Variants in FBXW7 observed in about 807,000 individuals in gnomAD.
FBXW7 encodes the protein F-box and WD repeat domain containing 7.
A neutral mutation model predicts 86.3 loss-of-function variants in FBXW7; 11 were observed. That is an observed-to-expected ratio of 0.13 (90% CI 0.08 to 0.21). The LOEUF (loss-of-function observed/expected upper bound fraction) is 0.21. FBXW7 is among the 10% of genes least tolerant of loss of function. The pLI is 1.00. For synonymous variants in FBXW7, 313 were observed against 297.9 expected (o/e 1.05, Z -0.52); for missense variants, 488 against 847.4 (o/e 0.58, Z 5.27).
In FBXW7 at chr4:152,535,813, G is replaced by A; in HGVS notation, c.-899C>T. 1 of 392,606 alleles carries A rather than the reference G, an allele frequency of 2.5e-6. No individual in the cohort carries two copies. The highest frequency in any genetic ancestry group is 4.5e-6 in the Non-Finnish European group (1 of 223,058). 24.3% of individuals were successfully genotyped at this position (392,606 alleles called of 1,614,324 possible). ...CCTGCCCCCCAAGCCGCCGGCTCCG[G>A]CTCAGGCTCGGGCTCCGGCTCTGGC... On this transcript the variant is annotated 5_prime_UTR_variant, in exon 1 of 14. Transcript: ENST00000281708.
At chr4:152,323,393 CCAGA>C (rs1430658708) in intron 13 of FBXW7, 22 of 537,252 alleles carry the variant, frequency 4.1e-5, no homozygotes, top group South Asian at 2.4e-4. Flanking sequence ...TGGTTAGCTA[CCAGA>C]CAAACATCTT....
At position 152,350,117 on chromosome 4, in the gene FBXW7, C is replaced by T; in HGVS notation, c.509G>A (p.Arg170Lys). ...GACCTCAGAACCATGGTCCAACTTT[C>T]TTTTCATCTATAAGGTAAAACAAAC... Reference protein sequence around the residue: ...PFYTKTTKMKRKLDHGSEVRS... With the variant: ...PFYTKTTKMKKKLDHGSEVRS... Residue 170 changes from arginine to lysine, a missense_variant, in exon 5 of 14, where the codon AGA becomes AAA. Transcript: ENST00000281708. The T allele has an allele frequency of 6.5e-7, 1 of 1,549,940 alleles. No individual in the cohort carries two copies. Among genetic ancestry groups the T allele is most frequent in the Non-Finnish European group, 8.8e-7 (1 of 1,141,738 alleles).
In FBXW7 at chr4:152,386,492, T is replaced by C. The variant is rs376416838; in HGVS notation, c.501+24811A>G. On this transcript the variant is annotated intron_variant, in intron 4 of 13. Coordinates refer to ENST00000281708, the MANE Select transcript of FBXW7 (RefSeq NM_001349798.2). ...ACTATTAATGGAATCAAAAATCACA[T>C]AGAGCTTTGTAGATTACATTTCCAA... Among the ~76,000 whole-genome samples the C allele has an allele frequency of 3.9e-5, 6 of 152,242 alleles. 1 individual carries two copies. Among genetic ancestry groups the C allele is most frequent in the African/African-American group, 1.4e-4 (6 of 41,572 alleles).
At chr4:152,339,401 A>G (rs1283033922) in intron 6 of FBXW7, among the ~76,000 whole-genome samples, 1 of 152,264 alleles carries the variant, frequency 6.6e-6, no homozygotes, top group African/African-American at 2.4e-5. Flanking sequence ...TTTCTCTCAC[A>G]TAACTTCAAA....
At chr4:152,435,738 T>C (rs1172590008) in intron 2 of FBXW7, among the ~76,000 whole-genome samples, 2 of 152,232 alleles carry the variant, frequency 1.3e-5, no homozygotes, top group Non-Finnish European at 1.5e-5. Flanking sequence ...AAATAGTATA[T>C]TTTTTTAAAA....
At chr4:152,511,628 A>T (rs1312491648) in intron 2 of FBXW7, among the ~76,000 whole-genome samples, 1 of 152,154 alleles carries the variant, frequency 6.6e-6, no homozygotes, top group African/African-American at 2.4e-5. Flanking sequence ...CTAAATGTCC[A>T]CCAATATGGG....
At chr4:152,494,928 A>G (rs184430305) in intron 2 of FBXW7, among the ~76,000 whole-genome samples, 2 of 152,360 alleles carry the variant, frequency 1.3e-5, no homozygotes, top group East Asian at 3.9e-4. Context: ...AAGTTTTAAG[A>G]AACTTACCCA....
rs139324129 is a variant in FBXW7 at position 152,414,639 on chromosome 4, A to G, written c.-119-2110T>C. 2.0e-5 allele frequency among the ~76,000 whole-genome samples: 3 copies of G among 152,290 alleles called. No homozygotes were observed. The East Asian group carries it at 5.8e-4, about 29-fold the overall frequency. ...AATTGAAAGTTCAGATAGCTCAGAT[A>G]AAATAAAGTTGGACTTTGCATAAAA... On this transcript the variant is annotated intron_variant, in intron 2 of 13. Transcript: ENST00000281708.
chr4:152,328,268 C>T lies in FBXW7; in HGVS notation c.1358G>A (p.Cys453Tyr), dbSNP rs2126513881. ...AGTATGCCCATATAAGGTGTGTATA[C>T]ATTCTCCAGTCTCTGCATTCCACAC... ...LKVWNAETGECIHTLYGHTST... is the reference protein window; with the variant it reads ...LKVWNAETGEYIHTLYGHTST... Residue 453 changes from cysteine (C) to tyrosine (Y), a missense_variant, in exon 11 of 14, where the codon TGT becomes TAT. This residue lies in a region of FBXW7 where 142 missense variants were observed against 406.6 expected (regional missense o/e 0.35). Coordinates refer to ENST00000281708, the MANE Select transcript of FBXW7 (RefSeq NM_001349798.2). 1 of 1,602,864 alleles carries T rather than the reference C, an allele frequency of 6.2e-7. No homozygotes were observed. Among genetic ancestry groups the T allele is most frequent in the Non-Finnish European group, 8.5e-7 (1 of 1,175,456 alleles).
chr4:152,420,956 A>C (rs900879415), intron 2 of FBXW7, among the ~76,000 whole-genome samples: 12 of 152,268 alleles, frequency 7.9e-5, no homozygotes, highest in African/African-American at 2.6e-4. Flanking sequence ...TGATGTTTTG[A>C]AGCCAGGTAC....
chr4:152,330,916 G>A lies in FBXW7; in HGVS notation c.986-48C>T, dbSNP rs115526031. On this transcript the variant is annotated intron_variant, in intron 8 of 13. Transcript: ENST00000281708. Reference sequence around the variant, plus strand: ...TAAATTGCCTTCACCAATAATAACAGTTATACATTTTATAAAGTATTCCAT... The same window carrying A: ...TAAATTGCCTTCACCAATAATAACAATTATACATTTTATAAAGTATTCCAT... 7.0e-6 allele frequency: 11 copies of A among 1,564,244 alleles called. 1 individual carries two copies. In the African/African-American group the frequency reaches 1.4e-4, roughly 19 times the overall value.
At chr4:152,497,793 G>T (rs75198849) in intron 2 of FBXW7, among the ~76,000 whole-genome samples, 1 of 151,984 alleles carries the variant, frequency 6.6e-6, no homozygotes, top group Non-Finnish European at 1.5e-5. Context: ...TAAAATTACA[G>T]TAAGTACCTA....
intron 4 of FBXW7, among the ~76,000 whole-genome samples, chr4:152,408,141 A>ATGT (rs1737593317): frequency 6.6e-6 from 1 of 152,258 alleles, no homozygotes; most frequent in African/African-American, 2.4e-5. Flanking sequence ...AGAAGAGAAC[A>ATGT]GGTGGAAGCC....
In FBXW7 at chr4:152,411,704, T is replaced by A. The variant is rs2126881945; in HGVS notation, c.100A>T (p.Asn34Tyr). The part of the protein sequence containing the change: ...SSSQVDEEQM[N>Y]RVVEEEQQQQ... The stretch of plus-strand genomic sequence containing the variant: ...TGCTGTTCCTCCTCTACCACACGAT[T>A]CATCTGTTCTTCATCTACCTGGCTT... Residue 34 changes from asparagine to tyrosine, a missense_variant, in exon 4 of 14, where the codon AAT (asparagine) becomes TAT (tyrosine). Coordinates refer to ENST00000281708, the MANE Select transcript of FBXW7 (RefSeq NM_001349798.2). 1.2e-6 allele frequency: 2 copies of A among 1,613,828 alleles called. No homozygotes were observed. The highest frequency in any genetic ancestry group is 1.7e-6 in the Non-Finnish European group (2 of 1,179,850).
intron 2 of FBXW7, among the ~76,000 whole-genome samples, chr4:152,478,938 T>TA (rs1220399358): frequency 6.6e-6 from 1 of 152,062 alleles, no homozygotes; most frequent in Non-Finnish European, 1.5e-5. Flanking sequence ...TCTAAGGTTA[T>TA]AAAAAAATTA....
chr4:152,402,629 T>C (rs940752508), intron 4 of FBXW7, among the ~76,000 whole-genome samples: 7 of 152,230 alleles, frequency 4.6e-5, no homozygotes, highest in African/African-American at 1.7e-4. Context: ...ACAAGATTAA[T>C]TACTTAACCT....
At chr4:152,478,591 A>G (rs1417705310) in intron 2 of FBXW7, among the ~76,000 whole-genome samples, 1 of 152,084 alleles carries the variant, frequency 6.6e-6, no homozygotes, top group Non-Finnish European at 1.5e-5. Context: ...TAACAGTGAA[A>G]TTGTTGGATG....
At chr4:152,519,406 C>G (rs1272574312) in intron 2 of FBXW7, among the ~76,000 whole-genome samples, 5 of 152,204 alleles carry the variant, frequency 3.3e-5, no homozygotes, top group Non-Finnish European at 7.3e-5. Flanking sequence ...CTCAGATTTT[C>G]TGCTAAACCA....
At chr4:152,382,641 C>T (rs969136881) in intron 4 of FBXW7, 2 of 254,220 alleles carry the variant, frequency 7.9e-6, no homozygotes, top group Non-Finnish European at 6.8e-6. Context: ...TGAACACAAC[C>T]AAAGCAGGGC....
Sources: allele counts gnomAD v4.1 joint callset (sites outside exome capture counted in the v4.1 genomes callset), GRCh38; gene constraint gnomAD v4.1.1; regional missense constraint gnomAD v4.1.1; transcripts MANE v1.5; gene names NCBI Gene and HGNC (gene_info 2026-07-23, HGNC 2026-07-21).